CDH22: variants seen among roughly 807,000 people sequenced by gnomAD.
CDH22 encodes cadherin-22.
A neutral mutation model predicts 58.4 loss-of-function variants in CDH22; 30 were observed. The observed-to-expected ratio is 0.51, with a 90% CI of 0.38 to 0.70. The LOEUF (loss-of-function observed/expected upper bound fraction) is 0.70, where lower values mean the gene tolerates loss of function less well. CDH22 is among the 30% of genes least tolerant of loss of function. The pLI is 0.00. For synonymous variants in CDH22, 513 were observed against 558.2 expected, an observed-to-expected ratio of 0.92 and a Z score of 1.14; for missense variants, 1,014 against 1,233.9, an observed-to-expected ratio of 0.82 and a Z score of 2.67.
chr20:46,253,290 G>A (rs910163948), intron 1 of CDH22, among the ~76,000 whole-genome samples: 37 of 152,082 alleles, frequency 2.4e-4, no homozygotes, highest in African/African-American at 8.9e-4. Context: ...CATCTCCTCC[G>A]GAAAATCTTT....
intron 5 of CDH22, among the ~76,000 whole-genome samples, chr20:46,215,551 C>G (rs2086077748): frequency 6.6e-6 from 1 of 152,134 alleles, no homozygotes; most frequent in South Asian, 2.1e-4. Context: ...AGGCTATGAT[C>G]AGGAAAGGGC....
At chr20:46,192,034 A>G (rs1568653236) in intron 8 of CDH22, among the ~76,000 whole-genome samples, 2 of 151,984 alleles carry the variant, frequency 1.3e-5, no homozygotes, top group South Asian at 2.1e-4. Context: ...CCTTATTTCC[A>G]TGTGCCCTTT....
At chr20:46,182,684 C>T (rs6131032) in intron 10 of CDH22, among the ~76,000 whole-genome samples, 1 of 152,362 alleles carries the variant, frequency 6.6e-6, no homozygotes, top group East Asian at 1.9e-4. Context: ...CCTACCCCAC[C>T]CTTCTAGGTG....
chr20:46,260,103 G>T (rs2086426005), intron 1 of CDH22, among the ~76,000 whole-genome samples: 1 of 152,082 alleles, frequency 6.6e-6, no homozygotes, highest in African/African-American at 2.4e-5. Flanking sequence ...ACACAATTCT[G>T]GTCAGTGAAA....
At chr20:46,289,286 C>T (rs559059452) in intron 1 of CDH22, among the ~76,000 whole-genome samples, 9 of 152,336 alleles carry the variant, frequency 5.9e-5, no homozygotes, top group Non-Finnish European at 1.3e-4. Flanking sequence ...CTCCTCAGTT[C>T]CCCAGGCCAT....
intron 8 of CDH22, among the ~76,000 whole-genome samples, chr20:46,188,424 T>A (rs1311553477): frequency 6.6e-6 from 1 of 152,156 alleles, no homozygotes; most frequent in Non-Finnish European, 1.5e-5. Context: ...CGTTCCATTA[T>A]TGGAACGCTA....
At chr20:46,207,024 T>C (rs978233565) in intron 7 of CDH22, among the ~76,000 whole-genome samples, 1 of 152,132 alleles carries the variant, frequency 6.6e-6, no homozygotes, top group African/African-American at 2.4e-5. Context: ...TACCCCACAG[T>C]CTGGGAGCTC....
intron 4 of CDH22, among the ~76,000 whole-genome samples, chr20:46,218,074 C>T (rs535560483): frequency 2.0e-5 from 3 of 152,144 alleles, no homozygotes; most frequent in Non-Finnish European, 4.4e-5. Flanking sequence ...CAGGCATGCA[C>T]CACTATGCCT....
At chr20:46,181,260 T>C (rs1462626328) in intron 10 of CDH22, among the ~76,000 whole-genome samples, 2 of 152,104 alleles carry the variant, frequency 1.3e-5, no homozygotes, top group Non-Finnish European at 2.9e-5. Flanking sequence ...TGGTGAGTGC[T>C]GTGAAGGAAG....
intron 4 of CDH22, chr20:46,220,762 T>G (rs1052802833): frequency 6.6e-6 from 1 of 152,262 alleles, no homozygotes; most frequent in Non-Finnish European, 1.5e-5. Flanking sequence ...TCTTCTCACT[T>G]GGAAACTGGT....
chr20:46,232,842 C>A lies in CDH22; in HGVS notation c.551-5215G>T, dbSNP rs537219581. Among the ~76,000 whole-genome samples, 3 of 152,298 alleles carry A rather than the reference C, an allele frequency of 2.0e-5. No homozygotes were observed. In the South Asian group the frequency reaches 6.2e-4, roughly 32 times the overall value. On this transcript the variant is annotated intron_variant, in intron 3 of 11. Coordinates refer to ENST00000537909, the MANE Select transcript of CDH22 (RefSeq NM_021248.3). ...TGGCCTCGACCCTGCTTCTAGCCTC[C>A]CAGCCAGGGCAGCCTAATGCAGATG...
intron 1 of CDH22, among the ~76,000 whole-genome samples, chr20:46,256,069 G>A (rs759551222): frequency 7.9e-5 from 12 of 152,158 alleles, no homozygotes; most frequent in Admixed American, 1.3e-4. Flanking sequence ...TTCTGTGTGC[G>A]TGCGAACATG....
chr20:46,193,889 C>T (rs981251461), intron 8 of CDH22, among the ~76,000 whole-genome samples: 12 of 152,176 alleles, frequency 7.9e-5, no homozygotes, highest in Non-Finnish European at 1.5e-4. Context: ...TGCTGGTGCT[C>T]ATGCCTGTAA....
intron 10 of CDH22, among the ~76,000 whole-genome samples, chr20:46,180,734 C>G (rs549460583): frequency 6.6e-6 from 1 of 152,068 alleles, no homozygotes; most frequent in African/African-American, 2.4e-5. Context: ...AACCATCCAA[C>G]AAATCTTTTT....
Position 46,175,260 on chromosome 20 carries a change from G to A in CDH22, c.1916-183C>T, listed in dbSNP as rs148533115. Among the ~76,000 whole-genome samples the A allele has an allele frequency of 2.7e-3, 417 of 152,286 alleles. 2 individuals carry two copies. Among genetic ancestry groups the A allele is most frequent in the African/African-American group, 9.7e-3 (402 of 41,552 alleles). Reference sequence around the variant, plus strand: ...GCAATCAGAACTGAGCTGAGTGTCTGGAGAGGTAGTGAGCTACCCATCTCG... The same window carrying A: ...GCAATCAGAACTGAGCTGAGTGTCTAGAGAGGTAGTGAGCTACCCATCTCG... On this transcript the variant is annotated intron_variant, in intron 11 of 11. Transcript: ENST00000537909.
chr20:46,227,464 G>GCCCCC, intron 4 of CDH22, 44 bp downstream of exon 4: 1 of 1,351,114 alleles, frequency 7.4e-7, no homozygotes, highest in Non-Finnish European at 1.0e-6. Flanking sequence ...CCCGCCCCTG[G>GCCCCC]CCCCGCCCCA....
intron 8 of CDH22, among the ~76,000 whole-genome samples, chr20:46,192,162 T>C (rs2085865686): frequency 1.3e-5 from 2 of 152,202 alleles, no homozygotes; most frequent in Non-Finnish European, 2.9e-5. Flanking sequence ...GTAAGCAGAA[T>C]TTTTGTATAT....
At chr20:46,236,512 A>ATTATATATAATATATAATATAT (rs1555804322) in intron 3 of CDH22, among the ~76,000 whole-genome samples, 4 of 135,066 alleles carry the variant, frequency 3.0e-5, no homozygotes, top group Non-Finnish European at 4.5e-5. Context: ...TATATATTTA[A>ATTATATATAATATATAATATAT]TTATATATAA....
At chr20:46,299,197 A>T (rs1461656443) in intron 1 of CDH22, among the ~76,000 whole-genome samples, 1 of 152,070 alleles carries the variant, frequency 6.6e-6, no homozygotes, top group Non-Finnish European at 1.5e-5. Flanking sequence ...GCCCTGGTCA[A>T]CGGGGCAACC....
Sources: gnomAD v4.1 joint callset for allele counts (sites outside exome capture counted in the v4.1 genomes callset) on GRCh38, gnomAD v4.1.1 for gene constraint, MANE v1.5 for transcripts, NCBI Gene and HGNC (gene_info 2026-07-23, HGNC 2026-07-21) for gene names.